The following ERG variants were observed in gnomAD, a reference collection of about 807,000 sequenced individuals.
ERG encodes transcriptional regulator ERG.
ERG carries 9 observed loss-of-function variants against 55.3 expected under a neutral mutation model. That is an observed-to-expected ratio of 0.16 (90% confidence interval 0.10 to 0.28). The LOEUF is 0.28. Among genes scored for constraint, ERG ranks in the 10% least tolerant of loss-of-function variants. The pLI is 1.00. For synonymous variants in ERG, 223 were observed against 237.3 expected (o/e 0.94, Z 0.55); for missense variants, 434 against 631.6 (o/e 0.69, Z 3.35).
chr21:38,409,823 C>T (rs1748391722), intron 3 of ERG, among the ~76,000 whole-genome samples: 1 of 152,170 alleles, frequency 6.6e-6, no homozygotes, highest in Admixed American at 6.5e-5. Context: ...GTCTTGCTAA[C>T]AAGGTTGGAT....
chr21:38,454,679 G>A (rs2058971588), intron 1 of ERG, among the ~76,000 whole-genome samples: 1 of 152,138 alleles, frequency 6.6e-6, no homozygotes. Context: ...AGGGTGATGT[G>A]ACTGACTCCA....
chr21:38,414,691 A>G (rs9982473), intron 3 of ERG, among the ~76,000 whole-genome samples: 61,414 of 152,008 alleles, frequency 0.4, 13,577 homozygotes, highest in Middle Eastern at 0.51. Flanking sequence ...AGAGTTTAGA[A>G]CTCAAGTGCT....
At chr21:38,453,507 CTT>C (rs2058960034) in intron 1 of ERG, among the ~76,000 whole-genome samples, 1 of 152,264 alleles carries the variant, frequency 6.6e-6, no homozygotes, top group Non-Finnish European at 1.5e-5. Context: ...AACTGGGACT[CTT>C]TGCCCTGGCA....
At chr21:38,437,695 A>C (rs1284577996) in intron 2 of ERG, among the ~76,000 whole-genome samples, 5 of 152,132 alleles carry the variant, frequency 3.3e-5, no homozygotes, top group Non-Finnish European at 7.4e-5. Flanking sequence ...GCCTTGGCCC[A>C]TCCTCGCTTC....
intron 2 of ERG, among the ~76,000 whole-genome samples, chr21:38,527,276 A>G (rs2059636735): frequency 6.6e-6 from 1 of 152,184 alleles, no homozygotes; most frequent in African/African-American, 2.4e-5. Flanking sequence ...CGCTATTCCA[A>G]GTGTGGTCTC....
chr21:38,558,115 C>T (rs1379751122), intron 2 of ERG, among the ~76,000 whole-genome samples: 2 of 151,920 alleles, frequency 1.3e-5, no homozygotes, highest in African/African-American at 4.8e-5. Context: ...AGGTACCAGA[C>T]TATTAAGGCA....
At chr21:38,630,077 G>T (rs913622655) in intron 1 of ERG, among the ~76,000 whole-genome samples, 1 of 152,034 alleles carries the variant, frequency 6.6e-6, no homozygotes, top group Non-Finnish European at 1.5e-5. Flanking sequence ...ACAGAAAGGA[G>T]AATCCAGGTT....
intron 1 of ERG, among the ~76,000 whole-genome samples, chr21:38,457,625 T>C (rs1258784754): frequency 6.6e-6 from 1 of 152,178 alleles, no homozygotes; most frequent in Admixed American, 6.5e-5. Flanking sequence ...GTGGAGGAAG[T>C]GAGGTCATGG....
At chr21:38,641,233 C>A (rs1160551688) in intron 1 of ERG, among the ~76,000 whole-genome samples, 1 of 152,044 alleles carries the variant, frequency 6.6e-6, no homozygotes, top group African/African-American at 2.4e-5. Flanking sequence ...GAGGATGGAC[C>A]CTTCATGAAT....
At chr21:38,603,589 T>C (rs2060177821) in intron 1 of ERG, among the ~76,000 whole-genome samples, 1 of 150,634 alleles carries the variant, frequency 6.6e-6, no homozygotes, top group Non-Finnish European at 1.5e-5. Flanking sequence ...TCATTGGAAA[T>C]GCCAGCCTTC....
intron 1 of ERG, among the ~76,000 whole-genome samples, chr21:38,598,601 T>C (rs930739388): frequency 1.3e-5 from 2 of 152,156 alleles, no homozygotes; most frequent in Non-Finnish European, 1.5e-5. Flanking sequence ...GTGCACTCTC[T>C]AAAAAAGGAT....
At chr21:38,556,124 A>G (rs1047056516) in intron 2 of ERG, among the ~76,000 whole-genome samples, 3 of 152,274 alleles carry the variant, frequency 2.0e-5, no homozygotes, top group Middle Eastern at 3.4e-3. Flanking sequence ...TTCTAGGGAC[A>G]TGGAAAAAAA....
chr21:38,625,710 A>G (rs2060320158), intron 1 of ERG, among the ~76,000 whole-genome samples: 1 of 152,128 alleles, frequency 6.6e-6, no homozygotes, highest in South Asian at 2.1e-4. Context: ...CTCAACCTAT[A>G]TTCATTTTCA....
chr21:38,533,099 T>A (rs1163486214), intron 2 of ERG, among the ~76,000 whole-genome samples: 2 of 152,220 alleles, frequency 1.3e-5, no homozygotes, highest in Non-Finnish European at 2.9e-5. Context: ...CATACGGTAC[T>A]TTATTTGCAC....
intron 6 of ERG, among the ~76,000 whole-genome samples, chr21:38,397,739 C>A (rs1266185012): frequency 6.6e-6 from 1 of 151,962 alleles, no homozygotes; most frequent in Non-Finnish European, 1.5e-5. Flanking sequence ...AAGGTGGATG[C>A]AGCAGGACAA....
intron 1 of ERG, among the ~76,000 whole-genome samples, chr21:38,479,005 A>G (rs1378032941): frequency 6.6e-6 from 1 of 152,216 alleles, no homozygotes; most frequent in Admixed American, 6.5e-5. Context: ...ACACTTACCA[A>G]GTAAAATGAT....
At chr21:38,465,897 A>C (rs2146607394) in intron 1 of ERG, among the ~76,000 whole-genome samples, 1 of 152,224 alleles carries the variant, frequency 6.6e-6, no homozygotes, top group South Asian at 2.1e-4. Flanking sequence ...TAAGGAGATG[A>C]GATGGCCCTC....
At chr21:38,530,677 C>G (rs2146771026) in intron 2 of ERG, among the ~76,000 whole-genome samples, 1 of 152,258 alleles carries the variant, frequency 6.6e-6, no homozygotes, top group African/African-American at 2.4e-5. Context: ...CTGAAAATTC[C>G]AACACATGAA....
intron 1 of ERG, among the ~76,000 whole-genome samples, chr21:38,656,910 A>C (rs2060522921): frequency 6.6e-6 from 1 of 152,158 alleles, no homozygotes; most frequent in Admixed American, 6.5e-5. Context: ...TATGTTTTGC[A>C]GGGGTAATAA....
Sources: allele counts gnomAD v4.1 joint callset (sites outside exome capture counted in the v4.1 genomes callset), GRCh38; gene constraint gnomAD v4.1.1; transcripts MANE v1.5; gene names NCBI Gene and HGNC (gene_info 2026-07-23, HGNC 2026-07-21).